The following GALNT17 variants were observed in gnomAD, a reference collection of about 807,000 sequenced individuals.
The protein encoded by GALNT17 is polypeptide N-acetylgalactosaminyltransferase 17, also known as UDP-GalNAc:polypeptide N-acetylgalactosaminyltransferase-like 3.
A neutral mutation model predicts 63.7 loss-of-function variants in GALNT17; 29 were observed. That is an observed-to-expected ratio of 0.46 (90% CI 0.34 to 0.62). The LOEUF (loss-of-function observed/expected upper bound fraction) is 0.62. Ranked by LOEUF, GALNT17 falls within the 20% of genes least tolerant of loss-of-function variation. The pLI is 0.01. For missense variants in GALNT17, 603 were observed against 799.6 expected (o/e 0.75, Z 2.97); for synonymous variants, 305 against 318.3 (o/e 0.96, Z 0.45).
intron 6 of GALNT17, among the ~76,000 whole-genome samples, chr7:71,588,398 C>T (rs772899224): frequency 1.3e-5 from 2 of 151,986 alleles, no homozygotes; most frequent in Non-Finnish European, 2.9e-5. Context: ...GGATATATTC[C>T]ATTATAGATG....
intron 9 of GALNT17, among the ~76,000 whole-genome samples, chr7:71,681,485 G>A (rs887226019): frequency 3.9e-5 from 6 of 152,164 alleles, no homozygotes; most frequent in Admixed American, 1.3e-4. Flanking sequence ...GGGACATAGA[G>A]GGTGGGAGGC....
chr7:71,710,745 T>A lies in GALNT17; in HGVS notation c.1501-16T>A, dbSNP rs1791780461. 6.2e-7 allele frequency: 1 copy of A among 1,610,942 alleles called. No homozygotes were observed. Among genetic ancestry groups the A allele is most frequent in the African/African-American group, 1.3e-5 (1 of 74,786 alleles). Reference sequence around the variant, plus strand: ...CCTCCCACTTCCATTCCCCTGCTGCTCTGGTCTCTCGACAGCTTGCCCGCT... The same window carrying A: ...CCTCCCACTTCCATTCCCCTGCTGCACTGGTCTCTCGACAGCTTGCCCGCT... On this transcript the variant is annotated splice_polypyrimidine_tract_variant and intron_variant, in intron 9 of 10. Coordinates refer to ENST00000333538, the MANE Select transcript of GALNT17 (RefSeq NM_022479.3).
intron 5 of GALNT17, among the ~76,000 whole-genome samples, chr7:71,568,669 G>A (rs1789388784): frequency 6.6e-6 from 1 of 152,100 alleles, no homozygotes; most frequent in African/African-American, 2.4e-5. Flanking sequence ...ATAGCAAAGG[G>A]CATGATTTGG....
At chr7:71,227,439 CA>C (rs1290090884) in intron 1 of GALNT17, among the ~76,000 whole-genome samples, 2 of 151,924 alleles carry the variant, frequency 1.3e-5, no homozygotes, top group African/African-American at 4.8e-5. Flanking sequence ...TGGGAGAACT[CA>C]GGGGAGATCC....
chr7:71,247,987 G>A (rs188776605), intron 1 of GALNT17, among the ~76,000 whole-genome samples: 1 of 152,298 alleles, frequency 6.6e-6, no homozygotes, highest in Admixed American at 6.5e-5. Context: ...AGTAGGCTGA[G>A]GAGGAGAAAG....
At chr7:71,552,817 T>C (rs748215432) in intron 5 of GALNT17, among the ~76,000 whole-genome samples, 5 of 152,164 alleles carry the variant, frequency 3.3e-5, no homozygotes, top group Non-Finnish European at 7.3e-5. Flanking sequence ...TTGCCCATTA[T>C]TAGTGGGCAC....
intron 5 of GALNT17, among the ~76,000 whole-genome samples, chr7:71,520,446 C>A (rs1355812255): frequency 2.0e-5 from 3 of 151,958 alleles, no homozygotes; most frequent in Non-Finnish European, 4.4e-5. Context: ...TTGCTTGAAC[C>A]CAGGAGGCGG....
intron 5 of GALNT17, among the ~76,000 whole-genome samples, chr7:71,564,278 C>CTTTTTTTTTTTTTTTTTTT (rs10539122): frequency 3.1e-5 from 3 of 98,012 alleles, no homozygotes; most frequent in Admixed American, 1.3e-4. Context: ...CTTTTCTTTT[C>CTTTTTTTTTTTTTTTTTTT]TTTTTTTTTT....
At chr7:71,427,860 A>G (rs953525181) in intron 5 of GALNT17, among the ~76,000 whole-genome samples, 4 of 152,104 alleles carry the variant, frequency 2.6e-5, no homozygotes, top group Non-Finnish European at 5.9e-5. Context: ...CACAAATCCT[A>G]TTGTGAATTG....
Position 71,358,083 on chromosome 7 carries a change from A to G in GALNT17, c.422+22350A>G, listed in dbSNP as rs990519843. 1.2e-4 allele frequency among the ~76,000 whole-genome samples: 18 copies of G among 152,286 alleles called. No homozygotes were observed. The South Asian group carries it at 1.4e-3, about 12-fold the overall frequency. On this transcript the variant is annotated intron_variant, in intron 2 of 10. Transcript: ENST00000333538. ...AAGGTTTGTTCTTTGGCTCTTCACA[A>G]TAAGTCTTGCTGCTGCTCACTTTTT...
intron 5 of GALNT17, among the ~76,000 whole-genome samples, chr7:71,521,279 T>A (rs762173752): frequency 6.6e-6 from 1 of 151,930 alleles, no homozygotes; most frequent in African/African-American, 2.4e-5. Context: ...TGCTGGTGAG[T>A]TAGGCCAAGA....
At chr7:71,164,589 C>T (rs991542593) in intron 1 of GALNT17, among the ~76,000 whole-genome samples, 2 of 152,152 alleles carry the variant, frequency 1.3e-5, no homozygotes, top group African/African-American at 2.4e-5. Context: ...TGAGGAAGTG[C>T]ACTTAAGTGG....
At chr7:71,323,614 C>T (rs1347657953) in intron 1 of GALNT17, among the ~76,000 whole-genome samples, 1 of 152,134 alleles carries the variant, frequency 6.6e-6, no homozygotes. Flanking sequence ...TCAAGATCAT[C>T]GTACTGATAT....
intron 6 of GALNT17, among the ~76,000 whole-genome samples, chr7:71,621,374 G>A (rs972727989): frequency 6.6e-6 from 1 of 152,146 alleles, no homozygotes; most frequent in Non-Finnish European, 1.5e-5. Context: ...ATTCATCAGT[G>A]TATCACCTGA....
intron 1 of GALNT17, among the ~76,000 whole-genome samples, chr7:71,234,755 G>A (rs1562936289): frequency 6.6e-6 from 1 of 152,130 alleles, no homozygotes; most frequent in Non-Finnish European, 1.5e-5. Context: ...AACCAGATGC[G>A]TTATTTCCAC....
intron 9 of GALNT17, among the ~76,000 whole-genome samples, chr7:71,696,770 C>T (rs1281113488): frequency 2.0e-5 from 3 of 152,108 alleles, no homozygotes; most frequent in Admixed American, 6.5e-5. Context: ...GTTCATTTCT[C>T]CTCATGAGCC....
intron 1 of GALNT17, among the ~76,000 whole-genome samples, chr7:71,204,297 A>G (rs1367784626): frequency 6.6e-6 from 1 of 152,028 alleles, no homozygotes; most frequent in Non-Finnish European, 1.5e-5. Context: ...TTTGATTACT[A>G]TATCTTTGTA....
intron 5 of GALNT17, among the ~76,000 whole-genome samples, chr7:71,549,146 C>T (rs1584042212): frequency 1.3e-5 from 2 of 152,122 alleles, no homozygotes; most frequent in African/African-American, 2.4e-5. Flanking sequence ...TTCTATTACT[C>T]GAGCAGAGTC....
At chr7:71,266,522 T>C (rs995473735) in intron 1 of GALNT17, among the ~76,000 whole-genome samples, 1 of 152,216 alleles carries the variant, frequency 6.6e-6, no homozygotes, top group Non-Finnish European at 1.5e-5. Flanking sequence ...CAGTCATGCT[T>C]TCTGTTAAGC....
Sources: gnomAD v4.1 joint callset for allele counts (sites outside exome capture counted in the v4.1 genomes callset) on GRCh38, gnomAD v4.1.1 for gene constraint, MANE v1.5 for transcripts, NCBI Gene and HGNC (gene_info 2026-07-23, HGNC 2026-07-21) for gene names.